Variants in CADPS observed in about 807,000 individuals in gnomAD.
The protein encoded by CADPS is calcium-dependent secretion activator 1.
In CADPS, 57 loss-of-function variants were observed where a neutral mutation model predicts 167.3. The observed-to-expected ratio is 0.34, with a 90% CI of 0.28 to 0.42. The LOEUF (loss-of-function observed/expected upper bound fraction) is 0.42. Ranked by LOEUF, CADPS falls within the 20% of genes least tolerant of loss-of-function variation. The pLI, the probability that CADPS is intolerant of heterozygous loss-of-function variation, is 1.00. For synonymous variants in CADPS, 676 were observed against 635.3 expected (o/e 1.06, Z -0.96); for missense variants, 1,414 against 1,738.1 (o/e 0.81, Z 3.32).
At chr3:62,775,946 C>T (rs1309574473) in intron 1 of CADPS, among the ~76,000 whole-genome samples, 1 of 152,172 alleles carries the variant, frequency 6.6e-6, no homozygotes, top group Non-Finnish European at 1.5e-5. Context: ...ATAATGATTA[C>T]TAGTACAGTT....
intron 6 of CADPS, among the ~76,000 whole-genome samples, chr3:62,623,447 C>T (rs2063487771): frequency 6.6e-6 from 1 of 152,182 alleles, no homozygotes; most frequent in South Asian, 2.1e-4. Context: ...ACAATCCCTC[C>T]ATTTCCTCTG....
chr3:62,737,240 G>A (rs573755178), intron 3 of CADPS, among the ~76,000 whole-genome samples: 15 of 152,198 alleles, frequency 9.9e-5, no homozygotes, highest in African/African-American at 3.4e-4. Context: ...CTTGAGGCCA[G>A]GAGTTCGAGA....
intron 11 of CADPS, among the ~76,000 whole-genome samples, chr3:62,546,533 A>C (rs970151110): frequency 2.0e-5 from 3 of 152,184 alleles, no homozygotes; most frequent in Non-Finnish European, 4.4e-5. Context: ...GTAATTATGA[A>C]CTAACCACCA....
At position 62,478,224 on chromosome 3, in the gene CADPS, G is replaced by A; in HGVS notation, c.3329+37C>T. 1 of 1,607,994 alleles carries A rather than the reference G, an allele frequency of 6.2e-7. No individual in the cohort carries two copies. On this transcript the variant is annotated intron_variant, in intron 23 of 29. Transcript: ENST00000383710. The surrounding 1 kb of genome is among the most constrained non-coding windows in gnomAD (Gnocchi z 5.7). ...CTTCCCTGAGTCTGTGTATGGTGGG[G>A]AGGGTGTGCAGAACCTGTCCAGCCA... is the stretch of plus-strand genomic sequence containing the variant.
Position 62,544,933 on chromosome 3 carries a change from C to A in CADPS, c.1966+4970G>T. On this transcript the variant is annotated intron_variant, in intron 11 of 29. Coordinates refer to ENST00000383710, the MANE Select transcript of CADPS (RefSeq NM_003716.4). The surrounding 1 kb of genome is among the most constrained non-coding windows in gnomAD (Gnocchi z 4.4). ...TAGCAACAAGGCTCAGGAAAGCAGA[C>A]AGGAGTTCTAACCTAGCAGCCTAAG... 1 of 930,032 alleles carries A rather than the reference C, an allele frequency of 1.1e-6. No homozygotes were observed. Among genetic ancestry groups the A allele is most frequent in the Non-Finnish European group, 1.4e-6 (1 of 718,612 alleles). The allele number at this position is 930,032 out of a possible 1,614,324, so 57.6% of individuals were successfully genotyped here.
In CADPS at chr3:62,536,543, T is replaced by C. The variant is rs2074724163; in HGVS notation, c.2005A>G (p.Ile669Val). 7 of 1,613,462 alleles carry C rather than the reference T, an allele frequency of 4.3e-6. No homozygotes were observed. Among genetic ancestry groups the C allele is most frequent in the Non-Finnish European group, 5.9e-6 (7 of 1,179,488 alleles). Residue 669 changes from isoleucine (I) to valine (V), a missense_variant, in exon 12 of 30, where the codon ATC becomes GTC. Around this residue, in one of 6 missense-constraint regions of CADPS, gnomAD observed 529 missense variants for 629.6 expected, o/e 0.84. Coordinates refer to ENST00000383710, the MANE Select transcript of CADPS (RefSeq NM_003716.4). ...TCAAAGTTACAGGGGTTGGAAGAGA[T>C]AAATTCATCCATGCCATGTTTTTGA... ...RAQKHGMDEF[I>V]SSNPCNFDHA... is the part of the protein sequence containing the mutation.
Position 62,492,438 on chromosome 3 carries a change from C to T in CADPS, c.2736G>A (p.Ala912=), listed in dbSNP as rs774402470. ...GCTCCACCATTAAATCTGACCACCA[C>T]GCAAAGGCCTTTAAAATTTGGCAGA... ...EPHVDKGEAF[A]WWSDLMVEHA... is the part of the protein sequence containing the mutation. The change falls in exon 20 of 30, where the codon GCG becomes GCA. Residue 912 remains alanine, a synonymous_variant. Transcript: ENST00000383710. 48 of 1,612,574 alleles carry T rather than the reference C, an allele frequency of 3.0e-5. No individual in the cohort carries two copies. The Admixed American group carries it at 3.2e-4, about 11-fold the overall frequency.
intron 13 of CADPS, among the ~76,000 whole-genome samples, chr3:62,521,324 T>C (rs558751843): frequency 1.3e-5 from 2 of 152,338 alleles, no homozygotes; most frequent in East Asian, 3.9e-4. Flanking sequence ...GAACCCAAGA[T>C]ATTCTGCAAG....
rs1263234743 is a variant in CADPS, at chr3:62,550,124, A to C, written c.1754-9T>G. ...TCGGCCACCCTCCAAACCTGGAAGA[A>C]AAGGGAGTAACAACTTCTACTAAGC... On this transcript the variant is annotated splice_polypyrimidine_tract_variant and intron_variant, in intron 10 of 29. Coordinates refer to ENST00000383710, the MANE Select transcript of CADPS (RefSeq NM_003716.4). The C allele has an allele frequency of 6.2e-7, 1 of 1,609,448 alleles. No homozygotes were observed. Among genetic ancestry groups the C allele is most frequent in the East Asian group, 2.2e-5 (1 of 44,804 alleles).
chr3:62,479,987 A>T (rs181223570), intron 22 of CADPS, among the ~76,000 whole-genome samples: 9 of 152,308 alleles, frequency 5.9e-5, no homozygotes, highest in Admixed American at 5.2e-4. Context: ...ATATGAATGC[A>T]ATAATTGGTA....
intron 3 of CADPS, among the ~76,000 whole-genome samples, chr3:62,745,867 T>C (rs941759383): frequency 1.3e-5 from 2 of 152,216 alleles, no homozygotes; most frequent in Admixed American, 1.3e-4. Flanking sequence ...GTGAACGCAA[T>C]AGACATCACT....
chr3:62,676,976 A>G (rs1012837246), intron 3 of CADPS, among the ~76,000 whole-genome samples: 1 of 152,108 alleles, frequency 6.6e-6, no homozygotes, highest in Admixed American at 6.6e-5. Context: ...TAAGAGGAGA[A>G]AATTCTGAAA....
chr3:62,533,962 T>C (rs2074217324), intron 12 of CADPS, among the ~76,000 whole-genome samples: 1 of 152,138 alleles, frequency 6.6e-6, no homozygotes, highest in Non-Finnish European at 1.5e-5. Flanking sequence ...TACAAGACAA[T>C]GGGAATTCAG....
At chr3:62,806,090 G>GCAGCTGTGTTCTGC (rs572159499) in intron 1 of CADPS, among the ~76,000 whole-genome samples, 2 of 151,992 alleles carry the variant, frequency 1.3e-5, no homozygotes, top group Non-Finnish European at 2.9e-5. Flanking sequence ...TCTGGGCGAG[G>GCAGCTGTGTTCTGC]CAGCTGTGTT....
chr3:62,551,019 T>C (rs916435664), intron 10 of CADPS: 1 of 435,172 alleles, frequency 2.3e-6, no homozygotes, highest in African/African-American at 2.0e-5. Flanking sequence ...TTGCCCTTCT[T>C]CTCTTCCTTA....
At chr3:62,437,459 G>A (rs1485935669) in intron 28 of CADPS, among the ~76,000 whole-genome samples, 1 of 150,712 alleles carries the variant, frequency 6.6e-6, no homozygotes, top group East Asian at 2.0e-4. Context: ...ATTTTCTGAA[G>A]TTTGATCTGG....
intron 13 of CADPS, among the ~76,000 whole-genome samples, chr3:62,525,536 G>GT (rs1353547723): frequency 2.0e-5 from 3 of 152,074 alleles, no homozygotes; most frequent in African/African-American, 4.8e-5. Context: ...ATGTGGAGGT[G>GT]TTTTTTATAC....
chr3:62,526,972 A>C (rs1441851755), intron 13 of CADPS, among the ~76,000 whole-genome samples: 1 of 152,192 alleles, frequency 6.6e-6, no homozygotes, highest in Admixed American at 6.5e-5. Flanking sequence ...GTATGATCTA[A>C]AGACCAAATG....
At chr3:62,444,884 A>G (rs2149922536) in intron 27 of CADPS, among the ~76,000 whole-genome samples, 1 of 152,358 alleles carries the variant, frequency 6.6e-6, no homozygotes, top group South Asian at 2.1e-4. Flanking sequence ...GTTCAGAATG[A>G]GAAATGCTTA....
Sources: allele counts gnomAD v4.1 joint callset (sites outside exome capture counted in the v4.1 genomes callset), GRCh38; gene constraint gnomAD v4.1.1; regional missense constraint gnomAD v4.1.1; non-coding constraint Gnocchi (gnomAD v3.1); transcripts MANE v1.5; gene names NCBI Gene and HGNC (gene_info 2026-07-23, HGNC 2026-07-21).